The following BMPR1B variants were observed in gnomAD, a reference collection of about 807,000 sequenced individuals.
BMPR1B encodes the protein bone morphogenetic protein receptor type-1B.
BMPR1B carries 12 observed loss-of-function variants against 59.1 expected under a neutral mutation model. The observed-to-expected ratio is 0.20, with a 90% CI of 0.13 to 0.33. The LOEUF (loss-of-function observed/expected upper bound fraction) is 0.33, where lower values mean the gene tolerates loss of function less well. Ranked by LOEUF, BMPR1B falls within the 10% of genes least tolerant of loss-of-function variation. The pLI is 1.00. For synonymous variants in BMPR1B, 237 were observed against 207.3 expected, an observed-to-expected ratio of 1.14 and a Z score of -1.23; for missense variants, 550 against 610.9, an observed-to-expected ratio of 0.90 and a Z score of 1.05.
chr4:94,771,610 A>G (rs1052056401), intron 1 of BMPR1B, among the ~76,000 whole-genome samples: 7 of 152,218 alleles, frequency 4.6e-5, no homozygotes, highest in African/African-American at 1.2e-4. Context: ...ATGGAAAAAT[A>G]TATTTTGAAC....
intron 3 of BMPR1B, among the ~76,000 whole-genome samples, chr4:95,085,104 A>G (rs937591725): frequency 1.3e-5 from 2 of 152,026 alleles, no homozygotes; most frequent in South Asian, 2.1e-4. Flanking sequence ...TTCCCCATAC[A>G]CTCATTTTCT....
chr4:95,007,291 T>A (rs763674959), intron 3 of BMPR1B, among the ~76,000 whole-genome samples: 2 of 152,182 alleles, frequency 1.3e-5, no homozygotes, highest in Non-Finnish European at 1.5e-5. Context: ...ATGGCATGAA[T>A]TTTTAGAACA....
At chr4:94,908,038 G>A (rs1443806107) in intron 2 of BMPR1B, among the ~76,000 whole-genome samples, 1 of 126,690 alleles carries the variant, frequency 7.9e-6, no homozygotes, top group Non-Finnish European at 1.6e-5. Flanking sequence ...TCCAACATGG[G>A]CAATGCAGTG....
intron 3 of BMPR1B, among the ~76,000 whole-genome samples, chr4:95,101,816 C>T (rs1232678163): frequency 2.0e-5 from 3 of 152,086 alleles, no homozygotes; most frequent in African/African-American, 4.8e-5. Context: ...ATGCAGAATC[C>T]GACCTTGAGC....
chr4:95,059,826 G>T (rs933402045), intron 3 of BMPR1B, among the ~76,000 whole-genome samples: 1 of 152,124 alleles, frequency 6.6e-6, no homozygotes, highest in African/African-American at 2.4e-5. Flanking sequence ...TTTGGTGCTT[G>T]CCAACAATAA....
chr4:95,131,304 T>C lies in BMPR1B; in HGVS notation c.868T>C (p.Tyr290His), dbSNP rs770135176. Residue 290 changes from tyrosine to histidine, a missense_variant, in exon 10 of 13, where the codon TAT becomes CAT. Around this residue, in one of 6 missense-constraint regions of BMPR1B, gnomAD observed 318 missense variants for 284.6 expected, o/e 1.12. Transcript: ENST00000515059. ...TCATGAAAATGGTTCCCTTTATGATTATCTGAAGTCCACCACCCTAGACGC... is the reference window on the plus strand; with the variant it reads ...TCATGAAAATGGTTCCCTTTATGATCATCTGAAGTCCACCACCCTAGACGC... Reference protein sequence around the residue: ...DYHENGSLYDYLKSTTLDAKS... With the variant: ...DYHENGSLYDHLKSTTLDAKS... 1.2e-6 allele frequency: 2 copies of C among 1,613,914 alleles called. No individual in the cohort carries two copies. Among genetic ancestry groups the C allele is most frequent in the Non-Finnish European group, 1.7e-6 (2 of 1,179,972 alleles).
At chr4:94,770,888 CA>C (rs11292596) in intron 1 of BMPR1B, among the ~76,000 whole-genome samples, 53,391 of 88,384 alleles carry the variant, frequency 0.6, 11,852 homozygotes, top group East Asian at 0.66. Flanking sequence ...ATTAGCCCTG[CA>C]AAAAAAAAAA....
At chr4:94,894,742 T>G (rs576944063) in intron 2 of BMPR1B, among the ~76,000 whole-genome samples, 1 of 152,118 alleles carries the variant, frequency 6.6e-6, no homozygotes, top group South Asian at 2.1e-4. Context: ...TGGAATTATT[T>G]GAGGAAAGTA....
chr4:95,014,925 G>C (rs139889323), intron 3 of BMPR1B, among the ~76,000 whole-genome samples: 2 of 152,260 alleles, frequency 1.3e-5, no homozygotes, highest in South Asian at 2.1e-4. Flanking sequence ...GAGTGTGGCT[G>C]TCCCTCCGTC....
rs1343452784 is a variant in BMPR1B, at chr4:94,840,500, C to T, written c.-182-35331C>T. ...TTTCTCTAAACTTCCCTTCTCGCTTCATTTCATTCATTTCACCTTCCATTG... is the reference window on the plus strand; with the variant it reads ...TTTCTCTAAACTTCCCTTCTCGCTTTATTTCATTCATTTCACCTTCCATTG... On this transcript the variant is annotated intron_variant, in intron 1 of 12. Coordinates refer to ENST00000515059, the MANE Select transcript of BMPR1B (RefSeq NM_001203.3). 1.4e-5 allele frequency among the ~76,000 whole-genome samples: 2 copies of T among 146,848 alleles called. 1 individual carries two copies. The highest frequency in any genetic ancestry group is 3.0e-5 in the Non-Finnish European group (2 of 66,094).
At chr4:94,964,515 A>G (rs1245769559) in intron 2 of BMPR1B, among the ~76,000 whole-genome samples, 1 of 152,160 alleles carries the variant, frequency 6.6e-6, no homozygotes, top group Non-Finnish European at 1.5e-5. Flanking sequence ...ACATAACTCA[A>G]CAATGTTGAT....
At chr4:94,943,424 C>T (rs1028848207) in intron 2 of BMPR1B, among the ~76,000 whole-genome samples, 2 of 152,172 alleles carry the variant, frequency 1.3e-5, no homozygotes, top group African/African-American at 4.8e-5. Flanking sequence ...GTGTCTGCCT[C>T]CACTCACTAT....
intron 2 of BMPR1B, among the ~76,000 whole-genome samples, chr4:94,945,896 G>A (rs1027841709): frequency 6.6e-6 from 1 of 152,028 alleles, no homozygotes; most frequent in Non-Finnish European, 1.5e-5. Flanking sequence ...ATACTGTGAT[G>A]TGCAGAACAA....
At chr4:94,797,074 G>A (rs932159689) in intron 1 of BMPR1B, among the ~76,000 whole-genome samples, 4 of 152,182 alleles carry the variant, frequency 2.6e-5, no homozygotes, top group South Asian at 2.1e-4. Context: ...GGCTGGGGAG[G>A]CCTCAGAATC....
At chr4:95,052,644 T>C (rs977360741) in intron 3 of BMPR1B, among the ~76,000 whole-genome samples, 5 of 152,170 alleles carry the variant, frequency 3.3e-5, no homozygotes, top group Non-Finnish European at 7.4e-5. Context: ...TAATTTTGAT[T>C]GGGATTTACA....
chr4:95,037,268 T>C (rs1413850936), intron 3 of BMPR1B, among the ~76,000 whole-genome samples: 4 of 151,688 alleles, frequency 2.6e-5, no homozygotes, highest in Non-Finnish European at 4.4e-5. Flanking sequence ...CTGGGGGAGG[T>C]ATTTGAACAG....
At chr4:95,144,753 T>G (rs1734520442) in intron 10 of BMPR1B, among the ~76,000 whole-genome samples, 1 of 152,164 alleles carries the variant, frequency 6.6e-6, no homozygotes, top group Admixed American at 6.5e-5. Flanking sequence ...ATGACCTCTT[T>G]GTGCACACAT....
At chr4:94,874,941 C>T (rs1302659002) in intron 1 of BMPR1B, among the ~76,000 whole-genome samples, 5 of 152,048 alleles carry the variant, frequency 3.3e-5, no homozygotes, top group South Asian at 2.1e-4. Flanking sequence ...TGCAGTGAGC[C>T]GAGATCGCGC....
At chr4:95,006,715 A>G (rs1486349530) in intron 3 of BMPR1B, among the ~76,000 whole-genome samples, 2 of 151,528 alleles carry the variant, frequency 1.3e-5, no homozygotes, top group Admixed American at 6.6e-5. Flanking sequence ...AATTTTTTGT[A>G]TCTTTAGTAG....
Sources: allele counts gnomAD v4.1 joint callset (sites outside exome capture counted in the v4.1 genomes callset), GRCh38; gene constraint gnomAD v4.1.1; regional missense constraint gnomAD v4.1.1; transcripts MANE v1.5; gene names NCBI Gene and HGNC (gene_info 2026-07-23, HGNC 2026-07-21).